Variants in CCDC33 observed in about 807,000 individuals in gnomAD.
The protein encoded by CCDC33 is coiled-coil domain containing 33, also known as coiled-coil domain-containing protein 33.
Under a neutral mutation model 91.9 loss-of-function variants are expected in CCDC33, and 94 were observed. That is an observed-to-expected ratio of 1.02 (90% confidence interval 0.87 to 1.21). CCDC33 has a LOEUF of 1.21. Among genes scored for constraint, CCDC33 ranks in the 50% most tolerant of loss-of-function variants. CCDC33 has a pLI of 0.00. For synonymous variants in CCDC33, 396 were observed against 374.5 expected (o/e 1.06, Z -0.66); for missense variants, 940 against 935.5 (o/e 1.00, Z -0.06).
intron 2 of CCDC33, among the ~76,000 whole-genome samples, chr15:74,230,001 C>T (rs1450081634): frequency 6.6e-6 from 1 of 152,188 alleles, no homozygotes; most frequent in Non-Finnish European, 1.5e-5. Flanking sequence ...TCAATTGTGT[C>T]TTGAATTATT....
At chr15:74,312,242 G>A (rs887519978) in intron 11 of CCDC33, among the ~76,000 whole-genome samples, 6 of 152,154 alleles carry the variant, frequency 3.9e-5, no homozygotes, top group Admixed American at 2.6e-4. Flanking sequence ...CTCGTTCCTC[G>A]GAGCCACGTG....
intron 11 of CCDC33, among the ~76,000 whole-genome samples, chr15:74,328,038 C>A (rs557228284): frequency 6.6e-6 from 1 of 152,262 alleles, no homozygotes; most frequent in African/African-American, 2.4e-5. Context: ...TCGCTGGAAG[C>A]CAAGAAAACC....
At position 74,286,662 on chromosome 15, in the gene CCDC33, C is replaced by T. The variant is rs117476968; in HGVS notation, c.1095+4813C>T. On this transcript the variant is annotated intron_variant, in intron 10 of 18. Transcript: ENST00000398814. ...CTGGGTATACAGCAACATTTCTCCT[C>T]TTGCATTTAAGATTTGGGATCCATC... Among the ~76,000 whole-genome samples the T allele has an allele frequency of 6.4e-3, 972 of 152,288 alleles. 7 individuals are homozygous for T. The highest frequency in any genetic ancestry group is 0.014 in the Middle Eastern group (4 of 294).
At chr15:74,205,778 T>C (rs1179098679) in intron 1 of CCDC33, among the ~76,000 whole-genome samples, 5 of 152,042 alleles carry the variant, frequency 3.3e-5, no homozygotes, top group Non-Finnish European at 5.9e-5. Context: ...GTGCCAACAA[T>C]ACCACCTCCC....
At chr15:74,235,307 G>T (rs868726375), upstream of CCDC33, among the ~76,000 whole-genome samples, 1 of 152,160 alleles carries the variant, frequency 6.6e-6, no homozygotes, top group Admixed American at 6.5e-5. Context: ...TCTCTAAACT[G>T]GGGAGAACCA....
At chr15:74,234,767 G>A (rs2075093499), upstream of CCDC33, among the ~76,000 whole-genome samples, 1 of 152,244 alleles carries the variant, frequency 6.6e-6, no homozygotes, top group South Asian at 2.1e-4. Context: ...CGGGGACTGA[G>A]GCAGAGCTGC....
At chr15:74,278,225 C>A (rs914154671) in intron 7 of CCDC33, among the ~76,000 whole-genome samples, 2 of 152,248 alleles carry the variant, frequency 1.3e-5, no homozygotes, top group African/African-American at 2.4e-5. Context: ...TGGGCTGGGC[C>A]TGGACAAACC....
Position 74,271,562 on chromosome 15 carries a change from A to G in CCDC33, c.547-141A>G, listed in dbSNP as rs535551246. ...AAGCAAGAACCGAGTAAGGCAGGGA[A>G]CAGGGAGAAGCAGGTGTCAAGTGTG... is the stretch of plus-strand genomic sequence containing the variant. On this transcript the variant is annotated intron_variant, in intron 5 of 18. Coordinates refer to ENST00000398814, the MANE Select transcript of CCDC33 (RefSeq NM_025055.5). 165 of 618,922 alleles carry G rather than the reference A, an allele frequency of 2.7e-4. 1 individual carries two copies. Among genetic ancestry groups the G allele is most frequent in the Middle Eastern group, 1.5e-3 (6 of 3,902 alleles). 38.3% of individuals were successfully genotyped at this position (618,922 alleles called of 1,614,324 possible).
intron 15 of CCDC33, among the ~76,000 whole-genome samples, chr15:74,332,029 C>T (rs1356270593): frequency 6.6e-6 from 1 of 152,072 alleles, no homozygotes; most frequent in African/African-American, 2.4e-5. Context: ...GACTCCGCCT[C>T]AAAATAAATA....
At chr15:74,214,046 G>A (rs1028132797), upstream of CCDC33, among the ~76,000 whole-genome samples, 2 of 152,076 alleles carry the variant, frequency 1.3e-5, no homozygotes, top group African/African-American at 4.8e-5. Context: ...CTGCCTAGAG[G>A]AAGGAAGTAA....
intron 1 of CCDC33, chr15:74,208,825 C>CTT: frequency 1.0e-6 from 1 of 989,436 alleles, no homozygotes; most frequent in Non-Finnish European, 1.2e-6. Context: ...CTCCTGACCT[C>CTT]TCCCTTCCTT....
chr15:74,278,206 G>A (rs1188020427), intron 7 of CCDC33, among the ~76,000 whole-genome samples: 3 of 152,264 alleles, frequency 2.0e-5, no homozygotes, highest in Admixed American at 2.0e-4. Context: ...GGCAGACACA[G>A]CTGAGCCTTG....
At chr15:74,332,932 A>T in intron 16 of CCDC33, 87 bp downstream of exon 16, 1 of 1,493,254 alleles carries the variant, frequency 6.7e-7, no homozygotes, top group Non-Finnish European at 9.0e-7. Flanking sequence ...GAAGATCAAG[A>T]CCAGGAGCTA....
At chr15:74,254,409 C>G (rs900820967) in intron 2 of CCDC33, among the ~76,000 whole-genome samples, 5 of 152,214 alleles carry the variant, frequency 3.3e-5, no homozygotes, top group Non-Finnish European at 7.3e-5. Context: ...TCAGGCCAAA[C>G]ACCTCTGGTC....
At chr15:74,306,749 G>A (rs1158811699) in intron 11 of CCDC33, among the ~76,000 whole-genome samples, 1 of 152,168 alleles carries the variant, frequency 6.6e-6, no homozygotes, top group Admixed American at 6.5e-5. Flanking sequence ...GTCAAGTCAG[G>A]GCCTGCCCTA....
intron 11 of CCDC33, among the ~76,000 whole-genome samples, chr15:74,319,974 C>T (rs2060172996): frequency 6.6e-6 from 1 of 152,166 alleles, no homozygotes; most frequent in African/African-American, 2.4e-5. Flanking sequence ...TTTGCCATAA[C>T]CTTGGGCTGA....
chr15:74,333,432 A>G (rs1275664258), intron 16 of CCDC33: 18 of 845,776 alleles, frequency 2.1e-5, no homozygotes, highest in Non-Finnish European at 3.5e-5. Flanking sequence ...GAATCACAGA[A>G]TATTGGGCAG....
At chr15:74,269,575 C>T (rs1049726333) in intron 5 of CCDC33, among the ~76,000 whole-genome samples, 2 of 152,216 alleles carry the variant, frequency 1.3e-5, no homozygotes, top group African/African-American at 2.4e-5. Flanking sequence ...AGAGGGGCAA[C>T]AGCCTGGCCT....
chr15:74,221,088 A>AT (rs2074578522), intron 2 of CCDC33, among the ~76,000 whole-genome samples: 1 of 151,972 alleles, frequency 6.6e-6, no homozygotes, highest in South Asian at 2.1e-4. Context: ...CCCAGCATTG[A>AT]TTTTATCCCT....
Sources: allele counts gnomAD v4.1 joint callset (sites outside exome capture counted in the v4.1 genomes callset), GRCh38; gene constraint gnomAD v4.1.1; transcripts MANE v1.5; gene names NCBI Gene and HGNC (gene_info 2026-07-23, HGNC 2026-07-21).